The following BRCA1 variants were observed in gnomAD, a reference collection of about 807,000 sequenced individuals.
BRCA1 encodes breast cancer type 1 susceptibility protein.
Under a neutral mutation model 173.7 loss-of-function variants are expected in BRCA1, and 140 were observed. The ratio of observed to expected loss-of-function variants is 0.81; its 90% CI spans 0.70 to 0.93. The LOEUF (loss-of-function observed/expected upper bound fraction) is 0.93. Ranked by LOEUF, BRCA1 falls within the 40% of genes least tolerant of loss-of-function variation. The probability of loss-of-function intolerance (pLI) is 0.00; values close to 1 mark genes in which losing one functional copy is unlikely to be tolerated. For missense variants in BRCA1, 1,983 were observed against 2,172.5 expected (o/e 0.91, Z 1.73); for synonymous variants, 662 against 756.0 (o/e 0.88, Z 2.04).
In BRCA1 at chr17:43,164,182, C is replaced by G. The variant is rs548912396; in HGVS notation, c.-20+5944G>C. 9 of 152,330 alleles carry G rather than the reference C, an allele frequency of 5.9e-5. No individual in the cohort carries two copies. In the South Asian group the frequency reaches 1.9e-3, roughly 32 times the overall value. The allele number at this position is 152,330 out of a possible 1,614,324, so 9.4% of individuals were successfully genotyped here. A position where few individuals can be genotyped will look rare whatever the true frequency, so the allele number is the denominator to read the frequency against. ...TTAACTCTTTAACTTCTATGATCCT[C>G]TAGTAAAACGAATGTATGGTTTTAG... On this transcript the variant is annotated intron_variant, in intron 1 of 7. Transcript: ENST00000634433.
chr17:43,044,379 C>T lies in BRCA1; in HGVS notation c.*1299G>A, dbSNP rs1011679048. The T allele has an allele frequency of 4.0e-6, 2 of 504,974 alleles. No individual in the cohort carries two copies. Among genetic ancestry groups the T allele is most frequent in the African/African-American group, 3.8e-5 (2 of 52,202 alleles). The allele number at this position is 504,974 out of a possible 1,614,324, so 31.3% of individuals were successfully genotyped here. On this transcript the variant is annotated 3_prime_UTR_variant, in exon 23 of 23. Transcript: ENST00000357654. ...ATTTTGTACAATCAAGTCTTCACTGCCCTTGCACACTGGGGGGGCTAGGGA... is the reference window on the plus strand; with the variant it reads ...ATTTTGTACAATCAAGTCTTCACTGTCCTTGCACACTGGGGGGGCTAGGGA...
chr17:43,069,823 C>T (rs551044712), intron 15 of BRCA1, among the ~76,000 whole-genome samples: 31 of 152,306 alleles, frequency 2.0e-4, no homozygotes, highest in African/African-American at 6.7e-4. Context: ...AAAGATATTT[C>T]AGAATGACTT....
At position 43,097,258 on chromosome 17, in the gene BRCA1, C is replaced by T. The variant is rs759197544; in HGVS notation, c.579G>A (p.Lys193=). ...GSDSSEDTVN[K]ATYCSVGDQE... ...CTTTGACTCACCTGCAATAAGTTGC[C>T]TTATTAACGGTATCTTCAGAAGAAT... The change falls in exon 8 of 23, where the codon AAG becomes AAA. Residue 193 remains lysine (K), a synonymous_variant. Transcript: ENST00000357654. 1 of 1,613,702 alleles carries T rather than the reference C, an allele frequency of 6.2e-7. No individual in the cohort carries two copies.
chr17:43,124,977 C>G (rs1270944356), intron 1 of BRCA1: 3 of 366,680 alleles, frequency 8.2e-6, no homozygotes, highest in Non-Finnish European at 1.7e-5. Context: ...AACTCCTGAC[C>G]TCATGACCAG....
chr17:43,069,534 A>G (rs746372367), intron 15 of BRCA1, among the ~76,000 whole-genome samples: 17 of 152,230 alleles, frequency 1.1e-4, no homozygotes, highest in Non-Finnish European at 1.8e-4. Context: ...CTAATTTTCA[A>G]TGAATAAATA....
intron 12 of BRCA1, among the ~76,000 whole-genome samples, chr17:43,080,439 C>T (rs1474915701): frequency 2.0e-5 from 3 of 152,054 alleles, no homozygotes; most frequent in Admixed American, 6.5e-5. Flanking sequence ...TCAGGTGATT[C>T]GCCTGCCTTG....
intron 18 of BRCA1, among the ~76,000 whole-genome samples, 196 bp downstream of exon 18, chr17:43,063,137 G>A (rs1314505060): frequency 1.3e-5 from 2 of 152,048 alleles, no homozygotes; most frequent in Admixed American, 6.6e-5. Flanking sequence ...TGATCCAAGC[G>A]CCTCAGCCTC....
In BRCA1 at chr17:43,049,159, A is replaced by T. The variant is rs1567758993; in HGVS notation, c.5368T>A (p.Ser1790Thr). ...AATGATGAAAGCTCCTTCACCACAG[A>T]AGCACCACACAGCTGTACCATCCAT... ...LEWMVQLCGA[S>T]VVKELSSFTL... The change falls in exon 21 of 23, where the codon TCT (serine) becomes ACT (threonine). Residue 1790 changes from serine (S) to threonine (T), a missense_variant. Coordinates refer to ENST00000357654, the MANE Select transcript of BRCA1 (RefSeq NM_007294.4). 6.2e-7 allele frequency: 1 copy of T among 1,614,152 alleles called. No individual in the cohort carries two copies. The highest frequency in any genetic ancestry group is 8.5e-7 in the Non-Finnish European group (1 of 1,180,002).
intron 1 of BRCA1, among the ~76,000 whole-genome samples, chr17:43,137,372 C>T (rs1433590290): frequency 2.6e-5 from 4 of 151,190 alleles, no homozygotes; most frequent in Non-Finnish European, 1.5e-5. Flanking sequence ...CACGTGTATA[C>T]CTATGTAACA....
At chr17:43,057,617 C>T (rs538918222) in intron 18 of BRCA1, among the ~76,000 whole-genome samples, 1 of 151,890 alleles carries the variant, frequency 6.6e-6, no homozygotes, top group Non-Finnish European at 1.5e-5. Flanking sequence ...AGGCGGATCA[C>T]GAGGTCAGGA....
chr17:43,100,632 T>TACA lies in BRCA1; in HGVS notation c.442-753_442-752insTGT, dbSNP rs1555595276. On this transcript the variant is annotated intron_variant, in intron 6 of 22. Transcript: ENST00000357654. ...AACATATATATAACATATATATATG[T>TACA]TATATATATATAACATATATATAAC... is the stretch of plus-strand genomic sequence containing the variant. Among the ~76,000 whole-genome samples, 11 of 43,230 alleles carry TACA rather than the reference T, an allele frequency of 2.5e-4. No individual in the cohort carries two copies. In the East Asian group the frequency reaches 3.4e-3, roughly 13 times the overall value. 28.4% of individuals were successfully genotyped at this position (43,230 alleles called of 152,430 possible).
rs16942 is a variant in BRCA1 at position 43,091,983 on chromosome 17, T to A, written c.3548A>T (p.Lys1183Ile). 1 of 1,613,786 alleles carries A rather than the reference T, an allele frequency of 6.2e-7. No homozygotes were observed. The highest frequency in any genetic ancestry group is 1.7e-5 in the Admixed American group (1 of 59,964). ...SSAVFSKSVQ[K>I]GELSRSPSPF... is the part of the protein sequence containing the mutation. Reference sequence around the variant, plus strand: ...GCTAGGACTCCTGCTAAGCTCTCCTTTCTGGACGCTTTTGCTAAAAACAGC... The same window carrying A: ...GCTAGGACTCCTGCTAAGCTCTCCTATCTGGACGCTTTTGCTAAAAACAGC... Residue 1183 changes from lysine (K) to isoleucine (I), a missense_variant, in exon 10 of 23, where the codon AAA becomes ATA. Lys to Ile is a moderately radical substitution (Grantham distance 102). Coordinates refer to ENST00000357654, the MANE Select transcript of BRCA1 (RefSeq NM_007294.4).
At chr17:43,047,547 G>T in intron 22 of BRCA1, 96 bp downstream of exon 22, 2 of 1,201,790 alleles carry the variant, frequency 1.7e-6, no homozygotes, top group Non-Finnish European at 2.5e-6. Context: ...TTTAAAATGT[G>T]CCAAGAACTG....
intron 16 of BRCA1, among the ~76,000 whole-genome samples, chr17:43,066,652 G>C (rs184698550): frequency 4.0e-5 from 6 of 149,854 alleles, no homozygotes; most frequent in African/African-American, 1.2e-4. Context: ...CTTGTGATCT[G>C]CCCGCCTCAG....
At chr17:43,055,040 G>A (rs573171146) in intron 19 of BRCA1, among the ~76,000 whole-genome samples, 8 of 152,254 alleles carry the variant, frequency 5.3e-5, no homozygotes, top group African/African-American at 1.7e-4. Context: ...GTGAGCCACC[G>A]CGACCAGCCT....
chr17:43,136,326 A>G (rs1264330695), intron 1 of BRCA1, among the ~76,000 whole-genome samples: 1 of 152,228 alleles, frequency 6.6e-6, no homozygotes, highest in Non-Finnish European at 1.5e-5. Flanking sequence ...TAAAACCATA[A>G]AAACCCTAAA....
At position 43,091,809 on chromosome 17, in the gene BRCA1, G is replaced by T. The variant is rs80357143; in HGVS notation, c.3722C>A (p.Ser1241Tyr). 5 of 1,614,192 alleles carry T rather than the reference G, an allele frequency of 3.1e-6. No individual in the cohort carries two copies. The highest frequency in any genetic ancestry group is 4.2e-6 in the Non-Finnish European group (5 of 1,180,030). The change falls in exon 10 of 23, where the codon TCT becomes TAT. Residue 1241 changes from serine to tyrosine, a missense_variant. Physicochemically the swap from Ser to Tyr is moderately radical, Grantham distance 144. Transcript: ENST00000357654. ...FGKVNNIPSQ[S>Y]TRHSTVATEC... ...GGTAGCAACGGTGCTATGCCTAGTA[G>T]ACTGAGAAGGTATATTGTTTACTTT...
At chr17:43,088,165 A>G (rs950177789) in intron 11 of BRCA1, among the ~76,000 whole-genome samples, 4 of 152,234 alleles carry the variant, frequency 2.6e-5, no homozygotes, top group Non-Finnish European at 5.9e-5. Flanking sequence ...CACAAATTAC[A>G]ATTAACTTAT....
At chr17:43,076,191 T>C (rs1308559576) in intron 13 of BRCA1, among the ~76,000 whole-genome samples, 1 of 152,118 alleles carries the variant, frequency 6.6e-6, no homozygotes, top group Non-Finnish European at 1.5e-5. Flanking sequence ...AAGGGCTGCC[T>C]TGAAGAAGTC....
Sources: gnomAD v4.1 joint callset for allele counts (sites outside exome capture counted in the v4.1 genomes callset) on GRCh38, gnomAD v4.1.1 for gene constraint, MANE v1.5 for transcripts, NCBI Gene and HGNC (gene_info 2026-07-23, HGNC 2026-07-21) for gene names.